Variants in PCNX2 observed in about 807,000 individuals in gnomAD.
PCNX2 encodes the protein pecanex 2, also known as pecanex-like protein 2.
In PCNX2, 168 loss-of-function variants were observed where a neutral mutation model predicts 223.8. The observed-to-expected ratio is 0.75, with a 90% CI of 0.66 to 0.85. PCNX2 has a LOEUF of 0.85. PCNX2 is among the 40% of genes least tolerant of loss of function. PCNX2 has a pLI of 0.00. For missense variants in PCNX2, 2,507 were observed against 2,675.5 expected (o/e 0.94, Z 1.39); for synonymous variants, 1,006 against 1,052.6 (o/e 0.96, Z 0.86).
chr1:233,208,826 C>CAAAAAAAAAAAAAAAAAAAAAAAAAGAAA (rs71173255), intron 12 of PCNX2, 137 bp from the exon 13 acceptor site: 2 of 59,534 alleles, frequency 3.4e-5, no homozygotes, highest in African/African-American at 5.7e-5. Context: ...AATTCATATA[C>CAAAAAAAAAAAAAAAAAAAAAAAAAGAAA]AAAAAAAAAA....
intron 17 of PCNX2, among the ~76,000 whole-genome samples, chr1:233,176,460 T>G (rs572318729): frequency 6.6e-6 from 1 of 152,296 alleles, no homozygotes; most frequent in South Asian, 2.1e-4. Context: ...TATGCAGACA[T>G]CAACTTTGAA....
chr1:233,292,023 A>ATAGTTTATAAATGCTAATTAATCAC, intron 1 of PCNX2: 1 of 973,452 alleles, frequency 1.0e-6, no homozygotes, highest in South Asian at 4.8e-5. Flanking sequence ...AAATATATAC[A>ATAGTTTATAAATGCTAATTAATCAC]TAGTTTATAA....
intron 33 of PCNX2, 145 bp from the exon 34 acceptor site, chr1:232,984,622 G>A (rs1669400241): frequency 3.5e-6 from 3 of 861,956 alleles, no homozygotes; most frequent in East Asian, 5.5e-5. Context: ...CAGGTCAAAT[G>A]ATAGAGGGCC....
intron 9 of PCNX2, among the ~76,000 whole-genome samples, chr1:233,233,913 T>G (rs1291762565): frequency 6.6e-6 from 1 of 152,064 alleles, no homozygotes; most frequent in Non-Finnish European, 1.5e-5. Flanking sequence ...TAGATAGTCT[T>G]ATCTCCTTTT....
At chr1:233,079,598 T>C in intron 23 of PCNX2, among the ~76,000 whole-genome samples, 1 of 151,858 alleles carries the variant, frequency 6.6e-6, no homozygotes, top group East Asian at 1.9e-4. Flanking sequence ...CTTTCTTTTA[T>C]TAGGAGTCTT....
At chr1:233,318,968 C>T in the PCNX2 span, among the ~76,000 whole-genome samples, 1 of 152,096 alleles carries the variant, frequency 6.6e-6, no homozygotes, top group Non-Finnish European at 1.5e-5. Context: ...ACCAGCCACC[C>T]CAAGACTTCA....
At position 233,177,785 on chromosome 1, in the gene PCNX2, C is replaced by A. The variant is rs755900079; in HGVS notation, c.3273+17G>T. Reference sequence around the variant, plus strand: ...TGAGGCCCTCCTATGCTACATTACACAACGCAAATGTCTCACCACTGAATC... The same window carrying A: ...TGAGGCCCTCCTATGCTACATTACAAAACGCAAATGTCTCACCACTGAATC... On this transcript the variant is annotated intron_variant, in intron 17 of 33. Coordinates refer to ENST00000258229, the MANE Select transcript of PCNX2 (RefSeq NM_014801.4). The A allele has an allele frequency of 6.3e-6, 10 of 1,599,616 alleles. No homozygotes were observed. Among genetic ancestry groups the A allele is most frequent in the Non-Finnish European group, 8.6e-6 (10 of 1,167,100 alleles).
intron 19 of PCNX2, among the ~76,000 whole-genome samples, chr1:233,148,650 C>A (rs1349331087): frequency 1.3e-5 from 2 of 152,154 alleles, no homozygotes; most frequent in African/African-American, 4.8e-5. Context: ...GATCCACCAA[C>A]CTTGGCCTCC....
At position 233,000,894 on chromosome 1, in the gene PCNX2, CA is replaced by C. The variant is rs1350848862; in HGVS notation, c.5098-360del. On this transcript the variant is annotated intron_variant, in intron 29 of 33. Transcript: ENST00000258229. The surrounding 1 kb of genome is among the most constrained non-coding windows in gnomAD (Gnocchi z 4.6). The stretch of plus-strand genomic sequence containing the variant: ...CTAGCTGCTCTTGAGGGCAAATCAC[CA>C]TTGGCTAAAGTCAAGACTATCTGGA... Among the ~76,000 whole-genome samples, 1 of 152,226 alleles carries C rather than the reference CA, an allele frequency of 6.6e-6. No homozygotes were observed. The highest frequency in any genetic ancestry group is 1.5e-5 in the Non-Finnish European group (1 of 68,032).
In PCNX2 at chr1:233,091,082, C is replaced by T. The variant is rs577823391; in HGVS notation, c.3947-892G>A. 1.2e-3 allele frequency among the ~76,000 whole-genome samples: 180 copies of T among 152,210 alleles called. 1 individual carries two copies. The highest frequency in any genetic ancestry group is 3.4e-3 in the Middle Eastern group (1 of 294). On this transcript the variant is annotated intron_variant, in intron 22 of 33. Coordinates refer to ENST00000258229, the MANE Select transcript of PCNX2 (RefSeq NM_014801.4). Reference sequence around the variant, plus strand: ...GTTCTGTGGGGCCTGTGGTTGGAAGCACAAGAGAGAACTGCTGGCCAGAAT... The same window carrying T: ...GTTCTGTGGGGCCTGTGGTTGGAAGTACAAGAGAGAACTGCTGGCCAGAAT...
Position 233,098,810 on chromosome 1 carries a change from G to C in PCNX2, c.3838-2947C>G, listed in dbSNP as rs371237646. Among the ~76,000 whole-genome samples the C allele has an allele frequency of 1.4e-4, 21 of 152,212 alleles. 1 individual carries two copies. In the South Asian group the frequency reaches 4.4e-3, roughly 32 times the overall value. ...AGTTTGAATCCCACCTCTACCTCTG[G>C]TCATATATTTCTGGATCTATAAAAT... On this transcript the variant is annotated intron_variant, in intron 21 of 33. Coordinates refer to ENST00000258229, the MANE Select transcript of PCNX2 (RefSeq NM_014801.4).
At chr1:233,112,938 A>G in intron 21 of PCNX2, 1 of 1,289,376 alleles carries the variant, frequency 7.8e-7, no homozygotes. Context: ...AGTTAAGGGA[A>G]ATCATCCTCT....
chr1:233,117,974 C>G (rs1675521869), intron 21 of PCNX2, among the ~76,000 whole-genome samples: 1 of 146,902 alleles, frequency 6.8e-6, no homozygotes, highest in South Asian at 2.2e-4. Context: ...CCCGCCACTG[C>G]ACTCCAGCCT....
chr1:233,260,506 CAT>C (rs565497010), intron 4 of PCNX2, among the ~76,000 whole-genome samples: 20 of 152,160 alleles, frequency 1.3e-4, no homozygotes, highest in South Asian at 4.1e-4. Context: ...AAGTCTAACT[CAT>C]GTGAATTTAT....
chr1:233,250,024 C>T (rs926094828), intron 8 of PCNX2, among the ~76,000 whole-genome samples: 2 of 152,116 alleles, frequency 1.3e-5, no homozygotes, highest in Non-Finnish European at 2.9e-5. Flanking sequence ...CCAGTTACAC[C>T]GGGAAAGTCT....
chr1:233,182,374 C>A (rs1165512473), intron 15 of PCNX2, among the ~76,000 whole-genome samples: 1 of 152,204 alleles, frequency 6.6e-6, no homozygotes, highest in Middle Eastern at 3.2e-3. Flanking sequence ...AAGGCTTCCA[C>A]TGTCTTGTCC....
the PCNX2 span, among the ~76,000 whole-genome samples, chr1:233,308,680 TAAG>T: frequency 1.3e-5 from 2 of 152,054 alleles, no homozygotes; most frequent in Non-Finnish European, 1.5e-5. Flanking sequence ...CTGTTTATAG[TAAG>T]AAATCAATAG....
rs1398096539 is a variant in PCNX2 at position 233,095,758 on chromosome 1, G to A, written c.3943C>T (p.Pro1315Ser). The A allele has an allele frequency of 6.3e-7, 1 of 1,599,418 alleles. No homozygotes were observed. Among genetic ancestry groups the A allele is most frequent in the Non-Finnish European group, 8.6e-7 (1 of 1,169,566 alleles). Residue 1315 changes from proline (P) to serine (S), a missense_variant, in exon 22 of 34, where the codon CCT becomes TCT. Transcript: ENST00000258229. ...FHVFAQLFAI[P>S]HSAMLFFQTI... ...AAAATAGAAGCAGAAAGGATACGAG[G>A]AATGGCAAAGAGCTGAGCAAACACG... is the stretch of plus-strand genomic sequence containing the variant.
the PCNX2 span, among the ~76,000 whole-genome samples, chr1:233,309,624 T>A: frequency 6.6e-6 from 1 of 151,876 alleles, no homozygotes. Context: ...ATGCCTGTAA[T>A]CCTGGCACTT....
Sources: allele counts gnomAD v4.1 joint callset (sites outside exome capture counted in the v4.1 genomes callset), GRCh38; gene constraint gnomAD v4.1.1; non-coding constraint Gnocchi (gnomAD v3.1); transcripts MANE v1.5; gene names NCBI Gene and HGNC (gene_info 2026-07-23, HGNC 2026-07-21).